Variants in ADGB observed in about 807,000 individuals in gnomAD.
ADGB encodes calpain-7-like protein.
A neutral mutation model predicts 210.5 loss-of-function variants in ADGB; 172 were observed. The observed-to-expected ratio is 0.82, with a 90% CI of 0.72 to 0.93. The LOEUF is 0.93. Ranked by LOEUF, ADGB falls within the 40% of genes least tolerant of loss-of-function variation. The pLI is 0.00. For synonymous variants in ADGB, 658 were observed against 662.7 expected, an observed-to-expected ratio of 0.99 and a Z score of 0.11; for missense variants, 2,025 against 1,964.8, an observed-to-expected ratio of 1.03 and a Z score of -0.58.
At chr6:146,645,838 TATAAG>T (rs960873873) in intron 3 of ADGB, among the ~76,000 whole-genome samples, 89 of 152,084 alleles carry the variant, frequency 5.9e-4, no homozygotes, top group African/African-American at 2.0e-3. Context: ...AATGCCTACT[TATAAG>T]ATATTTGAAA....
intron 23 of ADGB, among the ~76,000 whole-genome samples, chr6:146,737,109 A>G (rs1777089890): frequency 6.6e-6 from 1 of 152,102 alleles, no homozygotes; most frequent in Admixed American, 6.6e-5. Context: ...AATATGTGGA[A>G]CCATACCCTC....
At chr6:146,647,318 C>T (rs1237347647) in intron 3 of ADGB, among the ~76,000 whole-genome samples, 1 of 151,444 alleles carries the variant, frequency 6.6e-6, no homozygotes, top group East Asian at 1.9e-4. Context: ...AATATAAAAT[C>T]TTGTTTATTT....
intron 1 of ADGB, among the ~76,000 whole-genome samples, chr6:146,633,142 C>T (rs1335598169): frequency 6.6e-6 from 1 of 152,072 alleles, no homozygotes; most frequent in Non-Finnish European, 1.5e-5. Flanking sequence ...TGCCCCCTGC[C>T]TCAATTTTTC....
At chr6:146,748,035 C>T (rs1777267662) in intron 26 of ADGB, among the ~76,000 whole-genome samples, 1 of 151,846 alleles carries the variant, frequency 6.6e-6, no homozygotes, top group Admixed American at 6.6e-5. Flanking sequence ...CCACCTGTCT[C>T]AGCCTCCCAA....
At chr6:146,801,045 T>A in intron 33 of ADGB, 138 bp from the exon 34 acceptor site, 1 of 394,884 alleles carries the variant, frequency 2.5e-6, no homozygotes, top group Non-Finnish European at 4.4e-6. Context: ...ATTAACATTA[T>A]GTTAAATAAG....
At chr6:146,629,800 G>A (rs188989740) in intron 1 of ADGB, among the ~76,000 whole-genome samples, 20 of 152,154 alleles carry the variant, frequency 1.3e-4, no homozygotes, top group Non-Finnish European at 2.9e-4. Context: ...AACTATTCTA[G>A]TCATCCTTAC....
chr6:146,690,422 T>C (rs533251058), intron 10 of ADGB, among the ~76,000 whole-genome samples: 49 of 152,348 alleles, frequency 3.2e-4, no homozygotes, highest in African/African-American at 1.0e-3. Context: ...ACATCAGAAT[T>C]TGGCTATAGT....
chr6:146,666,470 A>T lies in ADGB; in HGVS notation c.753-346A>T, dbSNP rs117911123. 2.2e-3 allele frequency among the ~76,000 whole-genome samples: 331 copies of T among 152,078 alleles called. 3 individuals are homozygous for T. The highest frequency in any genetic ancestry group is 3.6e-3 in the Non-Finnish European group (242 of 67,938). ...TACTGAAATCAGAATGATAAAAGAG[A>T]CTGTTCTGTTTTTAAAAGAAGTATA... On this transcript the variant is annotated intron_variant, in intron 6 of 35. Transcript: ENST00000397944.
chr6:146,689,611 A>G (rs1468349812), intron 10 of ADGB, among the ~76,000 whole-genome samples: 1 of 152,162 alleles, frequency 6.6e-6, no homozygotes, highest in African/African-American at 2.4e-5. Flanking sequence ...AGAAATTAAC[A>G]TATGTAGACC....
intron 23 of ADGB, among the ~76,000 whole-genome samples, chr6:146,737,966 G>T (rs577740404): frequency 6.6e-6 from 1 of 152,266 alleles, no homozygotes; most frequent in East Asian, 1.9e-4. Flanking sequence ...AAACCAAAAA[G>T]TCTGTTATTT....
At chr6:146,693,894 T>G in intron 12 of ADGB, among the ~76,000 whole-genome samples, 1 of 152,142 alleles carries the variant, frequency 6.6e-6, no homozygotes, top group East Asian at 1.9e-4. Flanking sequence ...CATGGCCCAA[T>G]AACATGTTCC....
intron 33 of ADGB, among the ~76,000 whole-genome samples, chr6:146,799,029 A>C (rs1778084375): frequency 7.3e-6 from 1 of 136,456 alleles, no homozygotes; most frequent in Non-Finnish European, 1.5e-5. Context: ...AGAATTTGAC[A>C]TGCTAATCCC....
chr6:146,717,415 C>T lies in ADGB; in HGVS notation c.1929-121C>T. On this transcript the variant is annotated intron_variant, in intron 15 of 35. Coordinates refer to ENST00000397944, the MANE Select transcript of ADGB (RefSeq NM_024694.4). ...ATTCTTGTCCCTTTAGGGCAACTGA[C>T]CCAATACTGTTGTTATTTTTTAACT... 1.0e-5 allele frequency: 6 copies of T among 588,170 alleles called. No individual in the cohort carries two copies. In the South Asian group the frequency reaches 1.4e-4, roughly 14 times the overall value. 36.4% of individuals were successfully genotyped at this position (588,170 alleles called of 1,614,324 possible). A position where few individuals can be genotyped will look rare whatever the true frequency, so the allele number is the denominator to read the frequency against.
intron 13 of ADGB, among the ~76,000 whole-genome samples, 200 bp downstream of exon 13, chr6:146,701,270 T>G (rs1322015588): frequency 1.3e-5 from 2 of 152,066 alleles, no homozygotes; most frequent in Non-Finnish European, 2.9e-5. Flanking sequence ...CCCTGTGTGT[T>G]TCTTCTTGGT....
intron 1 of ADGB, among the ~76,000 whole-genome samples, chr6:146,627,405 G>A (rs1780992069): frequency 6.6e-6 from 1 of 151,976 alleles, no homozygotes. Flanking sequence ...ATATTCTTGA[G>A]TTTTGTGCTA....
chr6:146,630,385 T>TA (rs1382382462), intron 1 of ADGB, among the ~76,000 whole-genome samples: 6 of 151,622 alleles, frequency 4.0e-5, no homozygotes, highest in African/African-American at 1.2e-4. Flanking sequence ...AGTAAGGCCA[T>TA]AAAAAAAGAA....
chr6:146,807,597 G>T, intron 35 of ADGB: 1 of 1,532,544 alleles, frequency 6.5e-7, no homozygotes, highest in Non-Finnish European at 8.8e-7. Flanking sequence ...ACCAGGGGAT[G>T]TCCAATACCA....
chr6:146,770,497 T>G, intron 29 of ADGB: 1 of 422,986 alleles, frequency 2.4e-6, no homozygotes, highest in Non-Finnish European at 5.1e-6. Context: ...CCTCTCTCAT[T>G]GGGCAGGGAT....
intron 13 of ADGB, among the ~76,000 whole-genome samples, chr6:146,713,021 T>C (rs1562280897): frequency 6.6e-6 from 1 of 152,192 alleles, no homozygotes; most frequent in Non-Finnish European, 1.5e-5. Context: ...GTTTTTGTGA[T>C]TGACTTATTT....
Sources: gnomAD v4.1 joint callset for allele counts (sites outside exome capture counted in the v4.1 genomes callset) on GRCh38, gnomAD v4.1.1 for gene constraint, MANE v1.5 for transcripts, NCBI Gene and HGNC (gene_info 2026-07-23, HGNC 2026-07-21) for gene names.